The following SNX29 variants were observed in gnomAD, a reference collection of about 807,000 sequenced individuals.
SNX29 encodes sorting nexin-29.
In SNX29, 78 loss-of-function variants were observed where a neutral mutation model predicts 102.1. That is an observed-to-expected ratio of 0.76 (90% CI 0.64 to 0.92). SNX29 has a LOEUF of 0.92. Ranked by LOEUF, SNX29 falls within the 40% of genes least tolerant of loss-of-function variation. The probability of loss-of-function intolerance (pLI) is 0.00; values close to 1 mark genes in which losing one functional copy is unlikely to be tolerated. For missense variants in SNX29, 1,280 were observed against 1,061.7 expected (o/e 1.21, Z -2.86); for synonymous variants, 580 against 414.5 (o/e 1.40, Z -4.85).
At chr16:12,565,611 C>T (rs183520133) in intron 20 of SNX29, among the ~76,000 whole-genome samples, 8 of 152,312 alleles carry the variant, frequency 5.3e-5, no homozygotes, top group South Asian at 4.1e-4. Context: ...ACTGGGACTT[C>T]CCAGGTGCCA....
At chr16:12,300,069 G>A (rs556914375) in intron 15 of SNX29, among the ~76,000 whole-genome samples, 4 of 152,162 alleles carry the variant, frequency 2.6e-5, no homozygotes, top group Admixed American at 2.6e-4. Context: ...ACAGGGCTGC[G>A]CCATGTTGGC....
chr16:12,048,351 C>G (rs780329699), intron 6 of SNX29, 21 bp from the exon 7 acceptor site: 5 of 1,613,886 alleles, frequency 3.1e-6, no homozygotes, highest in Non-Finnish European at 4.2e-6. Flanking sequence ...GCACTCCAGA[C>G]TTTTCCCTTT....
chr16:12,105,137 C>T (rs1238361598), intron 11 of SNX29, among the ~76,000 whole-genome samples: 1 of 152,180 alleles, frequency 6.6e-6, no homozygotes, highest in Admixed American at 6.5e-5. Context: ...TGGTGAGGGT[C>T]ACAGTTAACC....
intron 19 of SNX29, among the ~76,000 whole-genome samples, chr16:12,507,353 G>A (rs2089424318): frequency 6.6e-6 from 1 of 152,248 alleles, no homozygotes; most frequent in African/African-American, 2.4e-5. Flanking sequence ...GCTGGTATTT[G>A]TGTGCTAGCC....
intron 17 of SNX29, among the ~76,000 whole-genome samples, chr16:12,400,286 G>A (rs1357321868): frequency 2.0e-5 from 3 of 152,204 alleles, no homozygotes; most frequent in South Asian, 2.1e-4. Flanking sequence ...TGGCAGTTCC[G>A]CTCCTCTAAC....
chr16:12,101,768 C>G (rs2053032543), intron 11 of SNX29, among the ~76,000 whole-genome samples: 1 of 152,066 alleles, frequency 6.6e-6, no homozygotes, highest in Admixed American at 6.6e-5. Context: ...AGGAAAGTAT[C>G]TTTTTAATTT....
chr16:12,276,254 C>G (rs1277988564), intron 14 of SNX29, among the ~76,000 whole-genome samples: 1 of 152,136 alleles, frequency 6.6e-6, no homozygotes, highest in African/African-American at 2.4e-5. Flanking sequence ...TGTTCAGGCT[C>G]TCATCTTTAC....
intron 18 of SNX29, among the ~76,000 whole-genome samples, chr16:12,474,159 T>C (rs1481661645): frequency 6.6e-6 from 1 of 152,098 alleles, no homozygotes; most frequent in East Asian, 1.9e-4. Context: ...CCACCTGCCC[T>C]GGGCAAGTGA....
At chr16:12,153,959 C>T (rs1254734056) in intron 13 of SNX29, among the ~76,000 whole-genome samples, 8 of 152,152 alleles carry the variant, frequency 5.3e-5, no homozygotes, top group Admixed American at 3.9e-4. Flanking sequence ...ATTATGGAGA[C>T]GGTGTCCTCC....
At chr16:12,355,847 A>T (rs1193138635) in intron 15 of SNX29, among the ~76,000 whole-genome samples, 9 of 21,348 alleles carry the variant, frequency 4.2e-4, no homozygotes, top group Non-Finnish European at 7.8e-4. Context: ...TCTTATTAAA[A>T]AAAAAAAAAA....
At chr16:12,506,594 C>T (rs1328284271) in intron 19 of SNX29, among the ~76,000 whole-genome samples, 1 of 152,098 alleles carries the variant, frequency 6.6e-6, no homozygotes, top group Non-Finnish European at 1.5e-5. Flanking sequence ...TATTTGATTG[C>T]CCAAAAAGAA....
chr16:12,185,850 C>T (rs1262687472), intron 13 of SNX29, among the ~76,000 whole-genome samples: 1 of 152,188 alleles, frequency 6.6e-6, no homozygotes, highest in Non-Finnish European at 1.5e-5. Flanking sequence ...GAAAGGGACT[C>T]ATTTGAGGTC....
intron 11 of SNX29, among the ~76,000 whole-genome samples, chr16:12,082,847 A>G (rs2051974892): frequency 6.6e-6 from 1 of 152,056 alleles, no homozygotes; most frequent in Non-Finnish European, 1.5e-5. Context: ...AATCCTAGAA[A>G]TTTTGAGCGA....
chr16:11,980,794 C>T (rs1244536337), intron 1 of SNX29, among the ~76,000 whole-genome samples: 1 of 152,074 alleles, frequency 6.6e-6, no homozygotes, highest in African/African-American at 2.4e-5. Flanking sequence ...AATTGTGTAT[C>T]CTCCTTGGAG....
At chr16:12,261,030 C>A (rs1260404814) in intron 14 of SNX29, among the ~76,000 whole-genome samples, 1 of 146,186 alleles carries the variant, frequency 6.8e-6, no homozygotes, top group Non-Finnish European at 1.5e-5. Context: ...GTGTCCCCGG[C>A]TGGAGTGAGT....
At chr16:12,015,024 C>G (rs2056801041) in intron 3 of SNX29, among the ~76,000 whole-genome samples, 1 of 151,910 alleles carries the variant, frequency 6.6e-6, no homozygotes, top group Non-Finnish European at 1.5e-5. Context: ...GTATGTTTTC[C>G]TTCCCTTTGG....
chr16:12,038,283 A>C (rs1043792063), intron 4 of SNX29, among the ~76,000 whole-genome samples: 2 of 152,232 alleles, frequency 1.3e-5, no homozygotes, highest in African/African-American at 2.4e-5. Flanking sequence ...AATTTGGGAC[A>C]AGGTTTTTGT....
At chr16:12,315,403 C>T (rs1474100029) in intron 15 of SNX29, among the ~76,000 whole-genome samples, 1 of 152,094 alleles carries the variant, frequency 6.6e-6, no homozygotes, top group East Asian at 1.9e-4. Context: ...GGAAAGCAGC[C>T]AGAGATGCTA....
At chr16:12,369,722 GT>G (rs1385353265) in intron 16 of SNX29, among the ~76,000 whole-genome samples, 1 of 152,108 alleles carries the variant, frequency 6.6e-6, no homozygotes, top group African/African-American at 2.4e-5. Flanking sequence ...AACACACACA[GT>G]ATTTCCAGGG....
Sources: allele counts gnomAD v4.1 joint callset (sites outside exome capture counted in the v4.1 genomes callset), GRCh38; gene constraint gnomAD v4.1.1; transcripts MANE v1.5; gene names NCBI Gene and HGNC (gene_info 2026-07-23, HGNC 2026-07-21).